Variants in WNT7B observed in about 807,000 individuals in gnomAD.
The protein encoded by WNT7B is protein Wnt-7b.
Under a neutral mutation model 38.2 loss-of-function variants are expected in WNT7B, and 19 were observed. That is an observed-to-expected ratio of 0.50 (90% CI 0.35 to 0.73). The LOEUF is 0.73. Among genes scored for constraint, WNT7B ranks in the 30% least tolerant of loss-of-function variants. The pLI is 0.01. For missense variants in WNT7B, 423 were observed against 507.9 expected (o/e 0.83, Z 1.61); for synonymous variants, 243 against 209.3 (o/e 1.16, Z -1.39).
chr22:45,940,129 C>G (rs1370375521), intron 2 of WNT7B, among the ~76,000 whole-genome samples: 1 of 152,166 alleles, frequency 6.6e-6, no homozygotes, highest in East Asian at 1.9e-4. Flanking sequence ...TGGATTAGAT[C>G]TCACTGAAGC....
chr22:45,957,326 CT>C (rs1421999133), intron 1 of WNT7B, among the ~76,000 whole-genome samples: 1 of 151,994 alleles, frequency 6.6e-6, no homozygotes, highest in Non-Finnish European at 1.5e-5. Flanking sequence ...TAGCATGTGA[CT>C]TTATTGAAAT....
Position 45,976,852 on chromosome 22 carries a change from G to A in WNT7B, c.-98C>T. The A allele has an allele frequency of 3.6e-6, 4 of 1,100,156 alleles. No individual in the cohort carries two copies. The highest frequency in any genetic ancestry group is 4.5e-6 in the Non-Finnish European group (4 of 895,074). 68.1% of individuals were successfully genotyped at this position (1,100,156 alleles called of 1,614,324 possible). On this transcript the variant is annotated 5_prime_UTR_variant, in exon 1 of 4. Coordinates refer to ENST00000339464, the MANE Select transcript of WNT7B (RefSeq NM_058238.3). This position sits in a 1 kb window ranked among gnomAD's most constrained non-coding sequence, Gnocchi z 8.5. ...GGGGCCAGGGGGCTGCGGGCAGACT[G>A]CGCTCAGCCCGCGCTGCGGCTCGGG...
Position 45,977,019 on chromosome 22 carries a change from C to T in WNT7B, c.-265G>A. The T allele has an allele frequency of 1.0e-6, 1 of 985,386 alleles. No homozygotes were observed. Among genetic ancestry groups the T allele is most frequent in the South Asian group, 4.7e-5 (1 of 21,370 alleles). 61.0% of individuals were successfully genotyped at this position (985,386 alleles called of 1,614,324 possible). A position where few individuals can be genotyped will look rare whatever the true frequency, so the allele number is the denominator to read the frequency against. The stretch of plus-strand genomic sequence containing the variant: ...GAAGCCCGGTTGAGCGACCGTGGAC[C>T]CCTGCAAGCGCGGGCCGGGGGCCCG... On this transcript the variant is annotated 5_prime_UTR_variant, in exon 1 of 4. Transcript: ENST00000339464.
At chr22:45,948,827 CTTTTTTTT>C (rs749735538) in intron 2 of WNT7B, among the ~76,000 whole-genome samples, 1,478 of 90,126 alleles carry the variant, frequency 0.016, 51 homozygotes, top group African/African-American at 0.056. Context: ...CCAAAGATCC[CTTTTTTTT>C]TTTTTTTTTT....
chr22:45,974,235 G>A (rs560507188), intron 1 of WNT7B, among the ~76,000 whole-genome samples: 15 of 152,280 alleles, frequency 9.9e-5, no homozygotes, highest in Non-Finnish European at 5.9e-5. Context: ...AAGGGAGGCT[G>A]AGAGGTTAAA....
At chr22:45,959,093 A>T (rs117269683) in intron 1 of WNT7B, among the ~76,000 whole-genome samples, 2,526 of 152,338 alleles carry the variant, frequency 0.017, 29 homozygotes, top group Middle Eastern at 0.034. Flanking sequence ...CTCAGCTGTC[A>T]CCGCAGAATG....
At chr22:45,927,493 A>C (rs1931124918) in intron 3 of WNT7B, 1 of 1,549,404 alleles carries the variant, frequency 6.5e-7, no homozygotes, top group Non-Finnish European at 8.7e-7. Context: ...TCGGCAAGTG[A>C]CTTTATTTGG....
chr22:45,926,443 C>T (rs1931085684), intron 3 of WNT7B: 1 of 985,294 alleles, frequency 1.0e-6, no homozygotes, highest in Admixed American at 6.1e-5. Context: ...ATTCAATGTT[C>T]TTTCCAGAAT....
At chr22:45,952,541 G>T (rs1601732322) in intron 1 of WNT7B, among the ~76,000 whole-genome samples, 1 of 152,242 alleles carries the variant, frequency 6.6e-6, no homozygotes, top group Admixed American at 6.5e-5. Flanking sequence ...CTGGGGAAAT[G>T]AGATGGATGG....
intron 3 of WNT7B, 30 bp from the exon 4 acceptor site, chr22:45,923,365 G>A (rs199595914): frequency 8.3e-6 from 13 of 1,572,762 alleles, no homozygotes; most frequent in South Asian, 2.4e-5. Context: ...TGCTCGGCAC[G>A]GCATGGCCCA....
rs572713601 is a variant in WNT7B at position 45,967,564 on chromosome 22, T to C, written c.71+9120A>G. Reference sequence around the variant, plus strand: ...GACACCCACAACCGAGCCCTCTACCTCATCCAACACCGCTATGCCACACCC... The same window carrying C: ...GACACCCACAACCGAGCCCTCTACCCCATCCAACACCGCTATGCCACACCC... On this transcript the variant is annotated intron_variant, in intron 1 of 3. Transcript: ENST00000339464. Among the ~76,000 whole-genome samples, 6 of 151,996 alleles carry C rather than the reference T, an allele frequency of 3.9e-5. No individual in the cohort carries two copies. In the East Asian group the frequency reaches 1.2e-3, roughly 30 times the overall value.
intron 2 of WNT7B, among the ~76,000 whole-genome samples, chr22:45,946,918 TC>T (rs1474897895): frequency 6.6e-6 from 1 of 152,234 alleles, no homozygotes; most frequent in Non-Finnish European, 1.5e-5. Flanking sequence ...AAAGGGGCTG[TC>T]CCACCCACAC....
intron 3 of WNT7B, among the ~76,000 whole-genome samples, chr22:45,929,182 C>T (rs1319775343): frequency 6.6e-6 from 1 of 152,180 alleles, no homozygotes; most frequent in African/African-American, 2.4e-5. Context: ...CCTCCTCCTC[C>T]AGGGAGTCCT....
rs532214117 is a variant in WNT7B at position 45,951,817 on chromosome 22, C to G, written c.72-1671G>C. 5.9e-5 allele frequency among the ~76,000 whole-genome samples: 9 copies of G among 152,316 alleles called. No homozygotes were observed. Among genetic ancestry groups the G allele is most frequent in the African/African-American group, 2.2e-4 (9 of 41,572 alleles). ...CATTTCGGCTGCTTCCACCTTTGGACTACTGTGAGTGATGCCGCCATGAAC... is the reference window on the plus strand; with the variant it reads ...CATTTCGGCTGCTTCCACCTTTGGAGTACTGTGAGTGATGCCGCCATGAAC... On this transcript the variant is annotated intron_variant, in intron 1 of 3. Transcript: ENST00000339464. The surrounding 1 kb of genome is among the most constrained non-coding windows in gnomAD (Gnocchi z 4.8).
At chr22:45,940,181 T>A (rs1390242675) in intron 2 of WNT7B, among the ~76,000 whole-genome samples, 5 of 152,070 alleles carry the variant, frequency 3.3e-5, no homozygotes, top group African/African-American at 1.2e-4. Context: ...TTCAGAGGGT[T>A]TCATACCCGT....
At position 45,976,781 on chromosome 22, in the gene WNT7B, G is replaced by C. The variant is rs1190176394; in HGVS notation, c.-27C>G. ...ATCCAGGGAGGGGGGCTGCGCCATA[G>C]ACAGCGGCGGCCGGAGGGGACGCGC... On this transcript the variant is annotated 5_prime_UTR_variant, in exon 1 of 4. Transcript: ENST00000339464. The surrounding 1 kb of genome is among the most constrained non-coding windows in gnomAD (Gnocchi z 8.5). 1.9e-6 allele frequency: 3 copies of C among 1,590,312 alleles called. No homozygotes were observed. In the African/African-American group the frequency reaches 4.1e-5, roughly 22 times the overall value.
chr22:45,929,942 T>TTTCA (rs1569111642), intron 3 of WNT7B, among the ~76,000 whole-genome samples: 2 of 95,160 alleles, frequency 2.1e-5, no homozygotes, highest in Non-Finnish European at 4.4e-5. Context: ...CCACTCATCC[T>TTTCA]TCCATCCATC....
At chr22:45,957,424 C>T (rs942633829) in intron 1 of WNT7B, among the ~76,000 whole-genome samples, 8 of 152,026 alleles carry the variant, frequency 5.3e-5, no homozygotes, top group African/African-American at 1.9e-4. Flanking sequence ...TGGCTCACAC[C>T]TGTAATCCCA....
At position 45,927,875 on chromosome 22, in the gene WNT7B, G is replaced by A. The variant is rs181734517; in HGVS notation, c.570+3223C>T. Among the ~76,000 whole-genome samples the A allele has an allele frequency of 1.6e-4, 25 of 152,334 alleles. No homozygotes were observed. The East Asian group carries it at 3.7e-3, about 22-fold the overall frequency. On this transcript the variant is annotated intron_variant, in intron 3 of 3. Coordinates refer to ENST00000339464, the MANE Select transcript of WNT7B (RefSeq NM_058238.3). ...CAGGCCACTGCACTCCAGCCTCAGC[G>A]ACAGAGCAAGACTCCATCTCAAAAC...
Sources: allele counts gnomAD v4.1 joint callset (sites outside exome capture counted in the v4.1 genomes callset), GRCh38; gene constraint gnomAD v4.1.1; non-coding constraint Gnocchi (gnomAD v3.1); transcripts MANE v1.5; gene names NCBI Gene and HGNC (gene_info 2026-07-23, HGNC 2026-07-21).